ITGA11: variants seen among roughly 807,000 people sequenced by gnomAD.
ITGA11 encodes integrin subunit alpha 11.
ITGA11 carries 97 observed loss-of-function variants against 141.9 expected under a neutral mutation model. The observed-to-expected ratio is 0.68, with a 90% CI of 0.58 to 0.81. The LOEUF is 0.81. Among genes scored for constraint, ITGA11 ranks in the 30% least tolerant of loss-of-function variants. ITGA11 has a pLI of 0.00. For synonymous variants in ITGA11, 658 were observed against 624.6 expected, an observed-to-expected ratio of 1.05 and a Z score of -0.80; for missense variants, 1,387 against 1,559.2, an observed-to-expected ratio of 0.89 and a Z score of 1.86.
chr15:68,381,724 T>C (rs1430669042), intron 2 of ITGA11, among the ~76,000 whole-genome samples: 1 of 152,138 alleles, frequency 6.6e-6, no homozygotes, highest in African/African-American at 2.4e-5. Context: ...CCCAACTAAA[T>C]TTTGTATTTT....
Position 68,358,581 on chromosome 15 carries a change from G to A in ITGA11, c.477C>T (p.Cys159=). 6 of 1,610,936 alleles carry A rather than the reference G, an allele frequency of 3.7e-6. No individual in the cohort carries two copies. Among genetic ancestry groups the A allele is most frequent in the African/African-American group, 1.3e-5 (1 of 74,934 alleles). ...SKTVAPALQR[C]QTYMDIVIVL... ...CAATGACGATGTCCATGTAGGTCTGGCACCCTGGAAAGTGGGGACACAGTT... is the reference window on the plus strand; with the variant it reads ...CAATGACGATGTCCATGTAGGTCTGACACCCTGGAAAGTGGGGACACAGTT... The change falls in exon 6 of 30, where the codon TGC becomes TGT. Residue 159 remains cysteine (C), a synonymous_variant. Coordinates refer to ENST00000315757, the MANE Select transcript of ITGA11 (RefSeq NM_001004439.2).
chr15:68,420,409 T>A (rs935552441), intron 1 of ITGA11, among the ~76,000 whole-genome samples: 4 of 152,174 alleles, frequency 2.6e-5, no homozygotes, highest in African/African-American at 9.7e-5. Context: ...GCCAATTTAC[T>A]CCTTTCTAAG....
At chr15:68,419,186 T>C (rs1226117394) in intron 1 of ITGA11, among the ~76,000 whole-genome samples, 1 of 151,632 alleles carries the variant, frequency 6.6e-6, no homozygotes, top group Non-Finnish European at 1.5e-5. Context: ...CTTTGGGGAG[T>C]GGAAGTGTTT....
At chr15:68,313,693 G>T in intron 23 of ITGA11, 86 bp downstream of exon 23, 3 of 992,910 alleles carry the variant, frequency 3.0e-6, no homozygotes, top group Non-Finnish European at 4.7e-6. Flanking sequence ...CCCTATTAGG[G>T]CCCATCAGAG....
At chr15:68,345,449 G>C (rs7177709) in intron 10 of ITGA11, among the ~76,000 whole-genome samples, 152,261 of 152,280 alleles carry the variant, frequency 1, 76,121 homozygotes, top group Middle Eastern at 1. Context: ...GGTCTCCCCT[G>C]TACCCTGGGC....
intron 2 of ITGA11, among the ~76,000 whole-genome samples, chr15:68,372,547 C>T (rs1895622834): frequency 6.6e-6 from 1 of 152,236 alleles, no homozygotes. Flanking sequence ...GGGAGCAGGG[C>T]TTCGGTGGAT....
At chr15:68,422,300 C>T (rs1318567300) in intron 1 of ITGA11, among the ~76,000 whole-genome samples, 1 of 152,154 alleles carries the variant, frequency 6.6e-6, no homozygotes, top group African/African-American at 2.4e-5. Context: ...AGGCCTGACT[C>T]AACTTCCCCT....
chr15:68,350,073 TCA>T (rs1894856021), intron 9 of ITGA11, among the ~76,000 whole-genome samples: 1 of 152,250 alleles, frequency 6.6e-6, no homozygotes, highest in African/African-American at 2.4e-5. Flanking sequence ...CCGTTGAGTT[TCA>T]GTTTTCCCAG....
At chr15:68,314,034 C>T (rs970844516) in intron 22 of ITGA11, among the ~76,000 whole-genome samples, 166 bp from the exon 23 acceptor site, 2 of 152,170 alleles carry the variant, frequency 1.3e-5, no homozygotes, top group African/African-American at 2.4e-5. Flanking sequence ...GAGGAAGGGC[C>T]AGAAGCAGGG....
intron 4 of ITGA11, among the ~76,000 whole-genome samples, chr15:68,362,814 A>C (rs990979670): frequency 6.6e-6 from 1 of 152,006 alleles, no homozygotes; most frequent in Non-Finnish European, 1.5e-5. Context: ...GGCTGGATAG[A>C]TGATGGATGA....
At chr15:68,431,585 C>G (rs543176897) in intron 1 of ITGA11, among the ~76,000 whole-genome samples, 2 of 152,194 alleles carry the variant, frequency 1.3e-5, no homozygotes, top group Non-Finnish European at 2.9e-5. Flanking sequence ...CGGAGCCAGG[C>G]AGGAGGGCAG....
At chr15:68,402,462 G>C (rs1896534301) in intron 2 of ITGA11, among the ~76,000 whole-genome samples, 1 of 151,960 alleles carries the variant, frequency 6.6e-6, no homozygotes, top group African/African-American at 2.4e-5. Context: ...CCCTGCTCTG[G>C]AGGGCTCTTG....
At chr15:68,430,283 A>G (rs1242250218) in intron 1 of ITGA11, among the ~76,000 whole-genome samples, 3 of 151,718 alleles carry the variant, frequency 2.0e-5, no homozygotes, top group South Asian at 2.1e-4. Context: ...ATTAAAGCCT[A>G]CTGTGCACCC....
At chr15:68,409,436 G>A (rs1440072576) in intron 1 of ITGA11, among the ~76,000 whole-genome samples, 1 of 151,920 alleles carries the variant, frequency 6.6e-6, no homozygotes, top group African/African-American at 2.4e-5. Context: ...GGCTCCTCCT[G>A]CCTTAGTTTA....
In ITGA11 at chr15:68,307,614, C is replaced by A; in HGVS notation, c.3257G>T (p.Gly1086Val). ...PNQEINFHLL[G>V]NLWLRSLKAL... is the part of the protein sequence containing the mutation. ...TTTTAGGGACCTCAACCACAGGTTC[C>A]CCAGTAGATGGAAATTGATTTCCTG... Residue 1086 changes from glycine to valine, a missense_variant, in exon 27 of 30, where the codon GGG becomes GTG. Physicochemically the swap from Gly to Val is moderately radical, Grantham distance 109. Coordinates refer to ENST00000315757, the MANE Select transcript of ITGA11 (RefSeq NM_001004439.2). The surrounding 1 kb of genome is among the most constrained non-coding windows in gnomAD (Gnocchi z 6.1). The A allele has an allele frequency of 6.2e-7, 1 of 1,613,490 alleles. No individual in the cohort carries two copies.
At chr15:68,369,356 G>A in intron 2 of ITGA11, 72 bp from the exon 3 acceptor site, 1 of 857,498 alleles carries the variant, frequency 1.2e-6, no homozygotes. Flanking sequence ...GGAGCCTGGT[G>A]GGCAGTGTGG....
At chr15:68,423,070 A>G (rs1897056818) in intron 1 of ITGA11, among the ~76,000 whole-genome samples, 2 of 152,212 alleles carry the variant, frequency 1.3e-5, no homozygotes, top group Non-Finnish European at 2.9e-5. Context: ...CTGCCCTTAA[A>G]TAGCTTTCCA....
In ITGA11 at chr15:68,302,164, T is replaced by C. The variant is rs1893055208; in HGVS notation, c.*895A>G. 6.7e-6 allele frequency: 1 copy of C among 150,176 alleles called. No individual in the cohort carries two copies. The highest frequency in any genetic ancestry group is 6.7e-5 in the Admixed American group (1 of 14,916). The allele number at this position is 150,176 out of a possible 1,614,324, so 9.3% of individuals were successfully genotyped here. A position where few individuals can be genotyped will look rare whatever the true frequency, so the allele number is the denominator to read the frequency against. On this transcript the variant is annotated 3_prime_UTR_variant, in exon 30 of 30. Transcript: ENST00000315757. ...GGAGGCTCCCTACCCCTACCCCTGCTGCCCAGCTGCAGCCAGGCCGGTGCG... is the reference window on the plus strand; with the variant it reads ...GGAGGCTCCCTACCCCTACCCCTGCCGCCCAGCTGCAGCCAGGCCGGTGCG...
Position 68,333,528 on chromosome 15 carries a change from C to G in ITGA11, c.1426-1050G>C, listed in dbSNP as rs927526806. ...GTGCTCCCCACTTCAGTGAGGGCAA[C>G]ATCCACCCCCTCATCAGAAACCCAG... On this transcript the variant is annotated intron_variant, in intron 12 of 29. Transcript: ENST00000315757. This position sits in a 1 kb window ranked among gnomAD's most constrained non-coding sequence, Gnocchi z 4.2. 6.6e-6 allele frequency among the ~76,000 whole-genome samples: 1 copy of G among 152,150 alleles called. No individual in the cohort carries two copies. The highest frequency in any genetic ancestry group is 2.4e-5 in the African/African-American group (1 of 41,430).
Sources: allele counts gnomAD v4.1 joint callset (sites outside exome capture counted in the v4.1 genomes callset), GRCh38; gene constraint gnomAD v4.1.1; non-coding constraint Gnocchi (gnomAD v3.1); transcripts MANE v1.5; gene names NCBI Gene and HGNC (gene_info 2026-07-23, HGNC 2026-07-21).